The following ARID3B variants were observed in gnomAD, a reference collection of about 807,000 sequenced individuals.
ARID3B encodes AT-rich interactive domain-containing protein 3B.
ARID3B carries 10 observed loss-of-function variants against 51.9 expected under a neutral mutation model. The observed-to-expected ratio is 0.19, with a 90% CI of 0.12 to 0.33. The LOEUF (loss-of-function observed/expected upper bound fraction) is 0.33, where lower values mean the gene tolerates loss of function less well. Among genes scored for constraint, ARID3B ranks in the 10% least tolerant of loss-of-function variants. The probability of loss-of-function intolerance (pLI) is 1.00; values close to 1 mark genes in which losing one functional copy is unlikely to be tolerated. For missense variants in ARID3B, 483 were observed against 716.3 expected, an observed-to-expected ratio of 0.67 and a Z score of 3.72; for synonymous variants, 205 against 279.5, an observed-to-expected ratio of 0.73 and a Z score of 2.66.
In ARID3B at chr15:74,597,680, T is replaced by C; in HGVS notation, c.*1906T>C. ...CTCAGACATTTGGCCAGTATGTCTT[T>C]CTCAGGGGTTTGGTCACAAAGGATG... On this transcript the variant is annotated 3_prime_UTR_variant, in exon 9 of 9. Transcript: ENST00000346246. 2 of 519,458 alleles carry C rather than the reference T, an allele frequency of 3.9e-6. No individual in the cohort carries two copies. Among genetic ancestry groups the C allele is most frequent in the Non-Finnish European group, 7.5e-6 (2 of 268,286 alleles). The allele number at this position is 519,458 out of a possible 1,614,324, so 32.2% of individuals were successfully genotyped here.
At chr15:74,554,768 G>A (rs961857341) in intron 2 of ARID3B, among the ~76,000 whole-genome samples, 2 of 151,964 alleles carry the variant, frequency 1.3e-5, no homozygotes, top group Non-Finnish European at 2.9e-5. Context: ...CTTTTAGATT[G>A]TAATTTATAT....
At chr15:74,581,020 G>C (rs1237930420) in intron 4 of ARID3B, among the ~76,000 whole-genome samples, 3 of 152,164 alleles carry the variant, frequency 2.0e-5, no homozygotes, top group African/African-American at 7.2e-5. Context: ...GGCAGGATGG[G>C]GTAGGGCTTG....
chr15:74,553,697 G>A (rs1266068190), intron 2 of ARID3B, among the ~76,000 whole-genome samples: 2 of 152,070 alleles, frequency 1.3e-5, no homozygotes, highest in Admixed American at 1.3e-4. Flanking sequence ...TTCTATAAAT[G>A]TTCCATGTGT....
intron 4 of ARID3B, among the ~76,000 whole-genome samples, chr15:74,582,930 A>C: frequency 6.6e-6 from 1 of 152,038 alleles, no homozygotes; most frequent in African/African-American, 2.4e-5. Context: ...ACGGTGGCTC[A>C]CACCTGTAAT....
chr15:74,563,997 T>C (rs1476877926), intron 2 of ARID3B, among the ~76,000 whole-genome samples: 1 of 152,198 alleles, frequency 6.6e-6, no homozygotes, highest in Non-Finnish European at 1.5e-5. Flanking sequence ...GTCCTTTAGC[T>C]CTTTTCCAAG....
chr15:74,542,737 C>T (rs1338201208), intron 1 of ARID3B, among the ~76,000 whole-genome samples: 4 of 152,180 alleles, frequency 2.6e-5, no homozygotes, highest in African/African-American at 9.7e-5. Flanking sequence ...TGTTGCAAGT[C>T]CTGTTCACCT....
intron 2 of ARID3B, among the ~76,000 whole-genome samples, chr15:74,567,421 C>T (rs1290725218): frequency 1.3e-5 from 2 of 152,072 alleles, no homozygotes; most frequent in African/African-American, 4.8e-5. Context: ...GGTAAGACTC[C>T]CAGTGGTGGG....
intron 4 of ARID3B, among the ~76,000 whole-genome samples, chr15:74,588,334 A>G (rs958646382): frequency 5.9e-5 from 9 of 151,976 alleles, no homozygotes; most frequent in African/African-American, 2.2e-4. Context: ...GGCTTGAACC[A>G]TCCTGTAAAA....
Position 74,595,677 on chromosome 15 carries a change from G to A in ARID3B, c.1586G>A (p.Ser529Asn). The A allele has an allele frequency of 6.2e-7, 1 of 1,613,444 alleles. No individual in the cohort carries two copies. Among genetic ancestry groups the A allele is most frequent in the South Asian group, 1.1e-5 (1 of 91,042 alleles). ...ITGSAPQSLG[S>N]SASSSSSSHC... is the part of the protein sequence containing the mutation. ...GGGTCTGCTCCCCAGAGCCTCGGCA[G>A]CAGCGCCAGCAGCAGCAGCAGCTCT... is the stretch of plus-strand genomic sequence containing the variant. The change falls in exon 9 of 9, where the codon AGC becomes AAC. Residue 529 changes from serine to asparagine, a missense_variant. Ser to Asn is a conservative substitution (Grantham distance 46). Around this residue, in one of 3 missense-constraint regions of ARID3B, gnomAD observed 265 missense variants for 354.4 expected, o/e 0.75. Transcript: ENST00000346246.
At chr15:74,548,132 A>G (rs2061622635) in intron 2 of ARID3B, among the ~76,000 whole-genome samples, 1 of 152,230 alleles carries the variant, frequency 6.6e-6, no homozygotes, top group Non-Finnish European at 1.5e-5. Flanking sequence ...CAGAGTAAAT[A>G]ATTGTAAAAC....
At chr15:74,578,537 T>C (rs1173414800) in intron 4 of ARID3B, among the ~76,000 whole-genome samples, 3 of 152,030 alleles carry the variant, frequency 2.0e-5, no homozygotes, top group Non-Finnish European at 4.4e-5. Flanking sequence ...TTGTCACTTG[T>C]GGAGTGTCTG....
chr15:74,549,036 A>G (rs1379278920), intron 2 of ARID3B, among the ~76,000 whole-genome samples: 1 of 151,778 alleles, frequency 6.6e-6, no homozygotes. Context: ...CATCCCTCTA[A>G]TTAAGGTGTA....
At chr15:74,580,236 G>T (rs1379476646) in intron 4 of ARID3B, among the ~76,000 whole-genome samples, 2 of 152,166 alleles carry the variant, frequency 1.3e-5, no homozygotes, top group Admixed American at 1.3e-4. Context: ...AGCCAAAACA[G>T]TTGTAAATAA....
intron 4 of ARID3B, among the ~76,000 whole-genome samples, chr15:74,587,869 C>G (rs2061786959): frequency 6.6e-6 from 1 of 152,046 alleles, no homozygotes; most frequent in African/African-American, 2.4e-5. Context: ...ATTCCATGAC[C>G]CCTTTGTCCT....
intron 4 of ARID3B, among the ~76,000 whole-genome samples, chr15:74,580,073 C>G (rs2061755299): frequency 6.6e-6 from 1 of 152,166 alleles, no homozygotes; most frequent in Admixed American, 6.5e-5. Context: ...TGCTGGCAAT[C>G]CCAGCTACTC....
At chr15:74,593,060 G>A in intron 7 of ARID3B, 78 bp from the exon 8 acceptor site, 1 of 1,281,616 alleles carries the variant, frequency 7.8e-7, no homozygotes. Context: ...GACCAGGGGT[G>A]GCCAGGCAGC....
rs2141486158 is a variant in ARID3B, at chr15:74,597,536, A to G, written c.*1762A>G. 1.9e-6 allele frequency: 1 copy of G among 535,370 alleles called. No homozygotes were observed. Among genetic ancestry groups the G allele is most frequent in the South Asian group, 1.5e-5 (1 of 65,152 alleles). 33.2% of individuals were successfully genotyped at this position (535,370 alleles called of 1,614,324 possible). ...ATACACACACACACACACATACCCC[A>G]TCTCCCGAGGGCTGACCTCCTCTGG... On this transcript the variant is annotated 3_prime_UTR_variant, in exon 9 of 9. Transcript: ENST00000346246.
Position 74,595,805 on chromosome 15 carries a change from C to G in ARID3B, c.*31C>G, listed in dbSNP as rs765169379. On this transcript the variant is annotated 3_prime_UTR_variant, in exon 9 of 9. Coordinates refer to ENST00000346246, the MANE Select transcript of ARID3B (RefSeq NM_006465.4). ...AGGACCCAGCTTCCCACTTGCCACT[C>G]TCCTGTCGAGAGTGAAGGAAGTTGA... The G allele has an allele frequency of 3.1e-6, 5 of 1,590,376 alleles. No individual in the cohort carries two copies. The South Asian group carries it at 5.7e-5, about 18-fold the overall frequency.
At chr15:74,579,140 A>G (rs779415499) in intron 4 of ARID3B, among the ~76,000 whole-genome samples, 21 of 152,198 alleles carry the variant, frequency 1.4e-4, no homozygotes, top group Non-Finnish European at 2.8e-4. Context: ...AGTGGGAGAC[A>G]GGGACGGGCC....
Sources: allele counts gnomAD v4.1 joint callset (sites outside exome capture counted in the v4.1 genomes callset), GRCh38; gene constraint gnomAD v4.1.1; regional missense constraint gnomAD v4.1.1; transcripts MANE v1.5; gene names NCBI Gene and HGNC (gene_info 2026-07-23, HGNC 2026-07-21).